The following MECOM variants were observed in gnomAD, a reference collection of about 807,000 sequenced individuals.
MECOM encodes histone-lysine N-methyltransferase MECOM.
A neutral mutation model predicts 116.3 loss-of-function variants in MECOM; 13 were observed. The ratio of observed to expected loss-of-function variants is 0.11; its 90% CI spans 0.07 to 0.18. The LOEUF (loss-of-function observed/expected upper bound fraction) is 0.18, where lower values mean the gene tolerates loss of function less well. Ranked by LOEUF, MECOM falls within the 10% of genes least tolerant of loss-of-function variation. MECOM has a pLI of 1.00. For synonymous variants in MECOM, 528 were observed against 535.2 expected, an observed-to-expected ratio of 0.99 and a Z score of 0.19; for missense variants, 1,299 against 1,509.0, an observed-to-expected ratio of 0.86 and a Z score of 2.31.
chr3:169,296,906 C>G (rs1054124306), intron 2 of MECOM, among the ~76,000 whole-genome samples: 1 of 152,144 alleles, frequency 6.6e-6, no homozygotes, highest in Non-Finnish European at 1.5e-5. Context: ...TAAACTATAG[C>G]TTAGAAAAAC....
rs182624823 is a variant in MECOM, at chr3:169,646,190, C to T, written c.37+17146G>A. The stretch of plus-strand genomic sequence containing the variant: ...CAAGTCTTTGCTATTGTGAATAGTG[C>T]CGCAATAAACATACGTGTGCATGTG... On this transcript the variant is annotated intron_variant, in intron 1 of 16. Transcript: ENST00000651503. 1.8e-3 allele frequency among the ~76,000 whole-genome samples: 279 copies of T among 151,892 alleles called. 2 individuals carry two copies. Among genetic ancestry groups the T allele is most frequent in the Middle Eastern group, 6.8e-3 (2 of 294 alleles).
chr3:169,292,998 T>A (rs1328433581), intron 2 of MECOM, among the ~76,000 whole-genome samples: 10 of 151,992 alleles, frequency 6.6e-5, no homozygotes, highest in Non-Finnish European at 8.8e-5. Context: ...CTAAGCTCAG[T>A]GAGATGAAGT....
chr3:169,548,128 C>A (rs1175506754), intron 1 of MECOM, among the ~76,000 whole-genome samples: 1 of 152,050 alleles, frequency 6.6e-6, no homozygotes, highest in African/African-American at 2.4e-5. Context: ...AGACCTTACT[C>A]AAGTCTTAAA....
At chr3:169,197,548 T>C (rs573344179) in intron 2 of MECOM, among the ~76,000 whole-genome samples, 3 of 152,076 alleles carry the variant, frequency 2.0e-5, no homozygotes, top group African/African-American at 7.2e-5. Flanking sequence ...ATAATGTTAG[T>C]GACTACTTCA....
At chr3:169,554,648 G>C (rs1359169478) in intron 1 of MECOM, among the ~76,000 whole-genome samples, 1 of 152,152 alleles carries the variant, frequency 6.6e-6, no homozygotes, top group Non-Finnish European at 1.5e-5. Context: ...ATAAAAACCA[G>C]AGATTCCCAA....
intron 2 of MECOM, among the ~76,000 whole-genome samples, chr3:169,150,299 G>A (rs1459126677): frequency 1.3e-5 from 2 of 152,182 alleles, no homozygotes; most frequent in Non-Finnish European, 2.9e-5. Context: ...TCCCCTGTTA[G>A]CTTGCTTTCC....
At chr3:169,563,461 T>C (rs1762885061) in intron 1 of MECOM, among the ~76,000 whole-genome samples, 1 of 152,234 alleles carries the variant, frequency 6.6e-6, no homozygotes, top group East Asian at 1.9e-4. Context: ...TGAAAACATC[T>C]TTTGTGAACA....
intron 2 of MECOM, among the ~76,000 whole-genome samples, chr3:169,208,466 C>G (rs1226317663): frequency 2.0e-5 from 3 of 151,614 alleles, no homozygotes; most frequent in South Asian, 4.2e-4. Context: ...AGTCAAGTTA[C>G]TAGTAAAGGA....
chr3:169,442,959 T>C (rs571178714), intron 1 of MECOM, among the ~76,000 whole-genome samples: 11 of 152,276 alleles, frequency 7.2e-5, no homozygotes, highest in Admixed American at 6.5e-4. Context: ...CCTAGTCCAG[T>C]GTCTAACATT....
intron 12 of MECOM, among the ~76,000 whole-genome samples, chr3:169,099,992 C>A (rs1426335176): frequency 6.6e-6 from 1 of 151,092 alleles, no homozygotes; most frequent in Non-Finnish European, 1.5e-5. Flanking sequence ...GCCCGTTTTT[C>A]TATAATATAC....
In MECOM at chr3:169,090,213, T is replaced by C. The variant is rs763237542; in HGVS notation, c.3188A>G (p.Asp1063Gly). The C allele has an allele frequency of 8.1e-6, 13 of 1,610,708 alleles. No homozygotes were observed. The highest frequency in any genetic ancestry group is 1.1e-5 in the Non-Finnish European group (13 of 1,178,948). The change falls in exon 15 of 17, where the codon GAT becomes GGT. Residue 1063 changes from aspartate (D) to glycine (G), a missense_variant. Coordinates refer to ENST00000651503, the MANE Select transcript of MECOM (RefSeq NM_004991.4). Reference protein sequence around the residue: ...EERMNGSHFKDEKALVTSQNS... With the variant: ...EERMNGSHFKGEKALVTSQNS... ...TTGACTGGTCACCAAAGCCTTTTCA[T>C]CTTTAAAATGACTGCCATTCATTCT...
chr3:169,469,683 G>A (rs960758258), intron 1 of MECOM, among the ~76,000 whole-genome samples: 9 of 152,020 alleles, frequency 5.9e-5, no homozygotes, highest in Non-Finnish European at 1.0e-4. Flanking sequence ...TGTCCACAGA[G>A]ATACATGCAT....
intron 2 of MECOM, among the ~76,000 whole-genome samples, chr3:169,192,811 C>T (rs1747890707): frequency 6.6e-6 from 1 of 152,042 alleles, no homozygotes; most frequent in Non-Finnish European, 1.5e-5. Context: ...TTGTTACCTA[C>T]ATAGTTACAG....
intron 8 of MECOM, among the ~76,000 whole-genome samples, chr3:169,114,302 T>C (rs922088926): frequency 3.9e-5 from 6 of 152,184 alleles, no homozygotes; most frequent in Admixed American, 3.3e-4. Flanking sequence ...TATTTTGTAT[T>C]GTCCTTTGAT....
chr3:169,418,901 A>G (rs1739221907), intron 1 of MECOM, among the ~76,000 whole-genome samples: 1 of 152,212 alleles, frequency 6.6e-6, no homozygotes, highest in Non-Finnish European at 1.5e-5. Flanking sequence ...GGCCAAGGCA[A>G]TCAGTCAAGA....
intron 1 of MECOM, among the ~76,000 whole-genome samples, chr3:169,460,635 T>G (rs972102817): frequency 6.6e-6 from 1 of 152,234 alleles, no homozygotes; most frequent in Non-Finnish European, 1.5e-5. Flanking sequence ...AACACATTTA[T>G]TATTTTACAT....
chr3:169,256,814 C>T (rs1254598684), intron 2 of MECOM, among the ~76,000 whole-genome samples: 2 of 152,182 alleles, frequency 1.3e-5, no homozygotes, highest in African/African-American at 4.8e-5. Context: ...ATGCCCATTT[C>T]CATGATTTTT....
At chr3:169,119,757 T>C (rs1057256204) in intron 7 of MECOM, among the ~76,000 whole-genome samples, 2 of 152,184 alleles carry the variant, frequency 1.3e-5, no homozygotes, top group African/African-American at 4.8e-5. Flanking sequence ...CAGGAATGCC[T>C]TTTTGCGACA....
chr3:169,275,626 G>C (rs1279229479), intron 2 of MECOM, among the ~76,000 whole-genome samples: 1 of 151,872 alleles, frequency 6.6e-6, no homozygotes, highest in African/African-American at 2.4e-5. Flanking sequence ...CTTTTTTACT[G>C]CTACAATTTG....
Sources: gnomAD v4.1 joint callset for allele counts (sites outside exome capture counted in the v4.1 genomes callset) on GRCh38, gnomAD v4.1.1 for gene constraint, MANE v1.5 for transcripts, NCBI Gene and HGNC (gene_info 2026-07-23, HGNC 2026-07-21) for gene names.